SUDS3: variants seen among roughly 807,000 people sequenced by gnomAD.
SUDS3 encodes the protein sin3 histone deacetylase corepressor complex component SDS3.
A neutral mutation model predicts 53.5 loss-of-function variants in SUDS3; 23 were observed. The ratio of observed to expected loss-of-function variants is 0.43; its 90% CI spans 0.31 to 0.61. The LOEUF (loss-of-function observed/expected upper bound fraction) is 0.61, where lower values mean the gene tolerates loss of function less well. SUDS3 is among the 20% of genes least tolerant of loss of function. The pLI, the probability that SUDS3 is intolerant of heterozygous loss-of-function variation, is 0.10. For missense variants in SUDS3, 291 were observed against 405.9 expected (o/e 0.72, Z 2.43); for synonymous variants, 150 against 148.5 (o/e 1.01, Z -0.08).
intron 6 of SUDS3, among the ~76,000 whole-genome samples, chr12:118,391,975 C>G (rs2046172153): frequency 6.6e-6 from 1 of 152,176 alleles, no homozygotes; most frequent in Non-Finnish European, 1.5e-5. Context: ...GGGAACTCAG[C>G]AGGTTGTAGG....
chr12:118,383,075 T>C (rs2046082170), intron 2 of SUDS3, among the ~76,000 whole-genome samples: 1 of 152,142 alleles, frequency 6.6e-6, no homozygotes, highest in Non-Finnish European at 1.5e-5. Context: ...AAGAGTGAGA[T>C]GTGTGTGAGT....
Position 118,376,846 on chromosome 12 carries a change from G to A in SUDS3, c.142+13G>A, listed in dbSNP as rs758337554. On this transcript the variant is annotated intron_variant, in intron 1 of 11. Transcript: ENST00000543473. Reference sequence around the variant, plus strand: ...GAGTCGGACGAAGGTGAGTCCTGCCGCTCGCCCGGCCGCCCGGAGCGGAGG... The same window carrying A: ...GAGTCGGACGAAGGTGAGTCCTGCCACTCGCCCGGCCGCCCGGAGCGGAGG... The A allele has an allele frequency of 2.0e-6, 3 of 1,520,390 alleles. No homozygotes were observed. Among genetic ancestry groups the A allele is most frequent in the Admixed American group, 2.0e-5 (1 of 49,166 alleles). 94.2% of individuals were successfully genotyped at this position (1,520,390 alleles called of 1,614,324 possible). A position where few individuals can be genotyped will look rare whatever the true frequency, so the allele number is the denominator to read the frequency against.
At chr12:118,392,528 T>A (rs770928469) in intron 6 of SUDS3, among the ~76,000 whole-genome samples, 10 of 152,288 alleles carry the variant, frequency 6.6e-5, no homozygotes, top group Middle Eastern at 6.8e-3. Context: ...CAGAAATGTT[T>A]TTTTGTGAGA....
chr12:118,412,341 C>T (rs986364362), intron 11 of SUDS3, among the ~76,000 whole-genome samples: 12 of 152,230 alleles, frequency 7.9e-5, no homozygotes, highest in East Asian at 1.9e-4. Flanking sequence ...GTAACTTATT[C>T]GTGCCAGTGC....
intron 6 of SUDS3, among the ~76,000 whole-genome samples, chr12:118,395,011 T>TA (rs1415527228): frequency 7.2e-5 from 11 of 151,922 alleles, no homozygotes; most frequent in Non-Finnish European, 1.2e-4. Flanking sequence ...AACCCTAAGA[T>TA]ATATGTGGTT....
intron 7 of SUDS3, 49 bp downstream of exon 7, chr12:118,400,803 G>T: frequency 1.3e-6 from 2 of 1,551,182 alleles, no homozygotes; most frequent in South Asian, 1.1e-5. Flanking sequence ...TAAGACTGTG[G>T]AATCCTATGT....
At chr12:118,391,938 C>T (rs1164328854) in intron 6 of SUDS3, among the ~76,000 whole-genome samples, 1 of 152,234 alleles carries the variant, frequency 6.6e-6, no homozygotes, top group East Asian at 1.9e-4. Flanking sequence ...GCCTTTCTAA[C>T]CTTCTAGAAT....
chr12:118,380,378 C>A, intron 2 of SUDS3, 147 bp downstream of exon 2: 1 of 688,786 alleles, frequency 1.5e-6, no homozygotes, highest in Non-Finnish European at 2.4e-6. Context: ...ATGCTCATTG[C>A]ACTATTTCAG....
At chr12:118,395,882 G>A (rs1190649325) in intron 6 of SUDS3, among the ~76,000 whole-genome samples, 2 of 151,910 alleles carry the variant, frequency 1.3e-5, no homozygotes, top group African/African-American at 4.8e-5. Flanking sequence ...TAGTAGAGAC[G>A]GGGTTTCACC....
chr12:118,383,496 T>C (rs1330578792), intron 2 of SUDS3, among the ~76,000 whole-genome samples: 1 of 152,232 alleles, frequency 6.6e-6, no homozygotes, highest in Non-Finnish European at 1.5e-5. Context: ...CTTTCTGAAT[T>C]ACTATTATTT....
At chr12:118,409,031 A>T (rs956263645) in intron 10 of SUDS3, among the ~76,000 whole-genome samples, 1 of 152,178 alleles carries the variant, frequency 6.6e-6, no homozygotes, top group Admixed American at 6.5e-5. Context: ...GGCCCTTGTG[A>T]TAATACATAT....
Position 118,376,648 on chromosome 12 carries a change from G to T in SUDS3, c.-44G>T. 7.1e-7 allele frequency: 1 copy of T among 1,417,552 alleles called. No homozygotes were observed. The highest frequency in any genetic ancestry group is 9.1e-7 in the Non-Finnish European group (1 of 1,093,716). The allele number at this position is 1,417,552 out of a possible 1,614,324, so 87.8% of individuals were successfully genotyped here. The stretch of plus-strand genomic sequence containing the variant: ...AGACGGCGAGTACCGAGCGCGGGTG[G>T]CCGCGGTGTCCGTGGGCCACGCTCA... On this transcript the variant is annotated 5_prime_UTR_variant, in exon 1 of 12. Transcript: ENST00000543473.
Position 118,391,166 on chromosome 12 carries a change from C to A in SUDS3, c.401C>A (p.Ala134Glu). 2 of 1,613,646 alleles carry A rather than the reference C, an allele frequency of 1.2e-6. No individual in the cohort carries two copies. The highest frequency in any genetic ancestry group is 1.7e-6 in the Non-Finnish European group (2 of 1,179,838). The change falls in exon 6 of 12, where the codon GCA becomes GAA. Residue 134 changes from alanine (A) to glutamate (E), a missense_variant. Physicochemically the swap from Ala to Glu is moderately radical, Grantham distance 107. Coordinates refer to ENST00000543473, the MANE Select transcript of SUDS3 (RefSeq NM_022491.3). ...VERNYIKEKK[A>E]AVKEFEDKKV... ...CGAAATTACATTAAAGAAAAGAAGGCAGCAGTGAAAGAATTTGAAGACAAG... is the reference window on the plus strand; with the variant it reads ...CGAAATTACATTAAAGAAAAGAAGGAAGCAGTGAAAGAATTTGAAGACAAG...
intron 1 of SUDS3, 113 bp from the exon 2 acceptor site, chr12:118,380,049 C>T (rs1396133033): frequency 1.9e-5 from 16 of 830,644 alleles, no homozygotes; most frequent in Non-Finnish European, 3.2e-5. Flanking sequence ...TGCAAGCCTG[C>T]CTTGAATAGA....
chr12:118,377,998 C>CT (rs2046017434), intron 1 of SUDS3, among the ~76,000 whole-genome samples: 1 of 152,170 alleles, frequency 6.6e-6, no homozygotes, highest in African/African-American at 2.4e-5. Context: ...AGTTGAGGGA[C>CT]TGCATTCGAT....
intron 5 of SUDS3, 32 bp from the exon 6 acceptor site, chr12:118,391,094 G>A (rs763205495): frequency 6.2e-7 from 1 of 1,611,094 alleles, no homozygotes; most frequent in Non-Finnish European, 8.5e-7. Context: ...CCAGGGCTGT[G>A]TACTCCCAGC....
At chr12:118,412,034 A>C (rs911893540) in intron 11 of SUDS3, among the ~76,000 whole-genome samples, 1 of 152,132 alleles carries the variant, frequency 6.6e-6, no homozygotes, top group African/African-American at 2.4e-5. Flanking sequence ...TTCCTAGCTG[A>C]GATGTCCTAT....
At chr12:118,381,842 G>A (rs575657603) in intron 2 of SUDS3, among the ~76,000 whole-genome samples, 1 of 152,334 alleles carries the variant, frequency 6.6e-6, no homozygotes, top group Non-Finnish European at 1.5e-5. Context: ...ACGGTATAAA[G>A]TATATTTAAT....
At chr12:118,410,580 T>TTTATTTATTTATTTTATTTA (rs1491473858) in intron 10 of SUDS3, among the ~76,000 whole-genome samples, 1 of 133,554 alleles carries the variant, frequency 7.5e-6, no homozygotes, top group East Asian at 3.6e-4. Context: ...TATTTATTTA[T>TTTATTTATTTATTTTATTTA]TTTATTTATT....
Sources: allele counts gnomAD v4.1 joint callset (sites outside exome capture counted in the v4.1 genomes callset), GRCh38; gene constraint gnomAD v4.1.1; transcripts MANE v1.5; gene names NCBI Gene and HGNC (gene_info 2026-07-23, HGNC 2026-07-21).